The following CTXND2 variants were observed in gnomAD, a reference collection of about 807,000 sequenced individuals.
The protein encoded by CTXND2 is cortexin domain containing 2.
At chr1:150,899,982 ACTCTGTAAAATGGACCAATCAGTG>A (rs1452955884) in intron 1 of CTXND2, among the ~76,000 whole-genome samples, 5 of 152,102 alleles carry the variant, frequency 3.3e-5, no homozygotes, top group Admixed American at 3.3e-4. Flanking sequence ...ACCAATCAGC[ACTCTGTAAAATGGACCAATCAGTG>A]CTCTGTAAAA....
intron 1 of CTXND2, among the ~76,000 whole-genome samples, chr1:150,892,205 T>C (rs1357309412): frequency 2.6e-5 from 4 of 152,222 alleles, no homozygotes; most frequent in Non-Finnish European, 5.9e-5. Flanking sequence ...GTGCCTGAAG[T>C]CATAAAGATA....
chr1:150,898,791 G>A (rs1225602763), intron 1 of CTXND2, among the ~76,000 whole-genome samples: 3 of 147,242 alleles, frequency 2.0e-5, no homozygotes, highest in African/African-American at 7.5e-5. Flanking sequence ...AAGGCAGGGC[G>A]GGGGGCCCGG....
chr1:150,910,410 G>A (rs1009866221), intron 1 of CTXND2, among the ~76,000 whole-genome samples: 4 of 152,016 alleles, frequency 2.6e-5, no homozygotes, highest in South Asian at 2.1e-4. Flanking sequence ...TATTATAGGC[G>A]TGAGCCACCA....
chr1:150,888,826 G>A (rs968260388), intron 1 of CTXND2, among the ~76,000 whole-genome samples: 11 of 151,822 alleles, frequency 7.2e-5, no homozygotes, highest in Admixed American at 6.6e-4. Context: ...GAGTAGCTGG[G>A]AGGGACTATA....
intron 1 of CTXND2, among the ~76,000 whole-genome samples, chr1:150,890,852 T>C (rs936527322): frequency 2.6e-5 from 4 of 152,144 alleles, no homozygotes; most frequent in African/African-American, 9.7e-5. Context: ...AGTTCTGCAA[T>C]ATTAAATTAA....
chr1:150,904,378 G>A (rs1298858722), intron 1 of CTXND2, among the ~76,000 whole-genome samples: 2 of 152,204 alleles, frequency 1.3e-5, no homozygotes, highest in African/African-American at 4.8e-5. Context: ...GTGGTTAAAT[G>A]AATATGTTCA....
At chr1:150,905,062 CCACACACACACACA>C (rs58415621) in intron 1 of CTXND2, among the ~76,000 whole-genome samples, 85 of 130,820 alleles carry the variant, frequency 6.5e-4, no homozygotes, top group East Asian at 3.1e-3. Flanking sequence ...AAAAAGAAAA[CCACACACACACACA>C]CACACACACA....
chr1:150,887,702 A>G (rs1320317246), intron 1 of CTXND2, among the ~76,000 whole-genome samples: 1 of 152,136 alleles, frequency 6.6e-6, no homozygotes, highest in Non-Finnish European at 1.5e-5. Context: ...TTATAGTAAA[A>G]AAAAGCTGCA....
At chr1:150,908,790 T>TAA (rs36116004) in intron 1 of CTXND2, among the ~76,000 whole-genome samples, 573 of 144,964 alleles carry the variant, frequency 4.0e-3, no homozygotes, top group African/African-American at 0.012. Flanking sequence ...CCTAGCTAAT[T>TAA]AAAAAAAAAA....
intron 1 of CTXND2, among the ~76,000 whole-genome samples, chr1:150,890,064 GAAGTA>G (rs1290555557): frequency 6.6e-6 from 1 of 152,040 alleles, no homozygotes; most frequent in African/African-American, 2.4e-5. Flanking sequence ...TTAAGCAACA[GAAGTA>G]TAGTATCTAG....
intron 1 of CTXND2, among the ~76,000 whole-genome samples, chr1:150,895,306 A>G (rs1668902022): frequency 6.6e-6 from 1 of 150,892 alleles, no homozygotes; most frequent in South Asian, 2.1e-4. Flanking sequence ...ACATCCAACT[A>G]CCCTTCCTGT....
chr1:150,905,856 G>A (rs1337982175), intron 1 of CTXND2, among the ~76,000 whole-genome samples: 2 of 152,048 alleles, frequency 1.3e-5, no homozygotes, highest in African/African-American at 2.4e-5. Context: ...CGGGTGTGGT[G>A]GCAGGCACCT....
intron 1 of CTXND2, among the ~76,000 whole-genome samples, chr1:150,897,061 T>G (rs1668922481): frequency 6.6e-6 from 1 of 151,994 alleles, no homozygotes. Context: ...TATTGCCAGG[T>G]TAGAAAGTAC....
chr1:150,893,187 A>C, intron 1 of CTXND2, among the ~76,000 whole-genome samples: 1 of 152,156 alleles, frequency 6.6e-6, no homozygotes, highest in East Asian at 1.9e-4. Flanking sequence ...TTAGAAATAT[A>C]ATTGACTTAT....
intron 1 of CTXND2, among the ~76,000 whole-genome samples, chr1:150,893,816 A>G (rs587639950): frequency 2.6e-5 from 4 of 152,214 alleles, no homozygotes; most frequent in African/African-American, 9.6e-5. Context: ...TGGAACCCTA[A>G]GCATGTGGGG....
At chr1:150,911,634 T>A (rs1669259419) in intron 1 of CTXND2, among the ~76,000 whole-genome samples, 1 of 151,990 alleles carries the variant, frequency 6.6e-6, no homozygotes, top group South Asian at 2.1e-4. Flanking sequence ...GGTTTCACCA[T>A]GTTGTCCAGG....
intron 1 of CTXND2, among the ~76,000 whole-genome samples, chr1:150,904,727 TA>T (rs1571604133): frequency 6.6e-6 from 1 of 152,242 alleles, no homozygotes; most frequent in African/African-American, 2.4e-5. Context: ...TCCCTGTATT[TA>T]AAATGGTTCC....
intron 1 of CTXND2, among the ~76,000 whole-genome samples, chr1:150,889,158 C>T (rs1668812637): frequency 6.6e-6 from 1 of 151,958 alleles, no homozygotes; most frequent in African/African-American, 2.4e-5. Flanking sequence ...GCCTGTAATC[C>T]CAGCACTCTG....
chr1:150,902,279 T>C (rs899123433), intron 1 of CTXND2, among the ~76,000 whole-genome samples: 3 of 151,298 alleles, frequency 2.0e-5, no homozygotes, highest in East Asian at 2.0e-4. Flanking sequence ...TGGTGGTGGG[T>C]GCCTGTAGTC....
Sources: gnomAD v4.1 joint callset for allele counts (sites outside exome capture counted in the v4.1 genomes callset) on GRCh38, gnomAD v4.1.1 for gene constraint, MANE v1.5 for transcripts, NCBI Gene and HGNC (gene_info 2026-07-23, HGNC 2026-07-21) for gene names.